The following SPOCK3 variants were observed in gnomAD, a reference collection of about 807,000 sequenced individuals.
SPOCK3 encodes the protein testican-3.
Under a neutral mutation model 56.6 loss-of-function variants are expected in SPOCK3, and 30 were observed. The ratio of observed to expected loss-of-function variants is 0.53; its 90% CI spans 0.40 to 0.72. SPOCK3 has a LOEUF of 0.72. Among genes scored for constraint, SPOCK3 ranks in the 30% least tolerant of loss-of-function variants. SPOCK3 has a pLI of 0.00. For synonymous variants in SPOCK3, 196 were observed against 183.3 expected (o/e 1.07, Z -0.56); for missense variants, 527 against 530.0 (o/e 0.99, Z 0.06).
At chr4:167,087,462 A>T (rs539507508) in intron 2 of SPOCK3, among the ~76,000 whole-genome samples, 1 of 152,294 alleles carries the variant, frequency 6.6e-6, no homozygotes, top group Admixed American at 6.5e-5. Flanking sequence ...CACTGATAGA[A>T]AATTTACTTT....
intron 3 of SPOCK3, among the ~76,000 whole-genome samples, chr4:167,025,209 G>C (rs1002446560): frequency 7.0e-6 from 1 of 143,402 alleles, no homozygotes; most frequent in Non-Finnish European, 1.6e-5. Context: ...ACAATTCTTT[G>C]GCCACTGAAT....
chr4:167,232,220 A>T (rs1176947846), intron 2 of SPOCK3, among the ~76,000 whole-genome samples: 7 of 152,206 alleles, frequency 4.6e-5, no homozygotes. Context: ...TGAATAAAAT[A>T]AGAGAATACT....
chr4:166,846,414 A>G (rs1748070577), intron 6 of SPOCK3, among the ~76,000 whole-genome samples: 1 of 152,140 alleles, frequency 6.6e-6, no homozygotes, highest in South Asian at 2.1e-4. Flanking sequence ...TTAATAGATT[A>G]TCCTTTTTAT....
chr4:166,853,917 G>A (rs1322924888), intron 6 of SPOCK3, among the ~76,000 whole-genome samples: 1 of 151,328 alleles, frequency 6.6e-6, no homozygotes, highest in South Asian at 2.1e-4. Flanking sequence ...CTCCAAAGTC[G>A]GCCATAGACA....
chr4:166,869,921 GA>G (rs1413121109), intron 6 of SPOCK3, among the ~76,000 whole-genome samples: 9 of 152,174 alleles, frequency 5.9e-5, no homozygotes, highest in Admixed American at 2.6e-4. Flanking sequence ...GCTGGAGGCT[GA>G]GTGTGATCCA....
chr4:166,820,746 C>A (rs1314069101), intron 6 of SPOCK3, among the ~76,000 whole-genome samples: 1 of 151,882 alleles, frequency 6.6e-6, no homozygotes, highest in South Asian at 2.1e-4. Flanking sequence ...ATCGCTGGAG[C>A]CTGTGAGGTG....
intron 2 of SPOCK3, among the ~76,000 whole-genome samples, chr4:167,158,601 T>A (rs1489904729): frequency 6.6e-6 from 1 of 151,976 alleles, no homozygotes; most frequent in Non-Finnish European, 1.5e-5. Context: ...AACTAGCCCT[T>A]AAGTGGTTTT....
chr4:167,116,413 GTA>G (rs201984574), intron 2 of SPOCK3, among the ~76,000 whole-genome samples: 2 of 140,640 alleles, frequency 1.4e-5, no homozygotes, highest in Admixed American at 7.2e-5. Flanking sequence ...ATACACAAAA[GTA>G]TATATATATA....
intron 3 of SPOCK3, among the ~76,000 whole-genome samples, chr4:167,037,547 T>C (rs11132846): frequency 0.57 from 86,401 of 151,244 alleles, 25,929 homozygotes; most frequent in East Asian, 0.84. Flanking sequence ...ACTAAGGATT[T>C]TTTGAAATAT....
At chr4:167,097,484 C>A (rs953125053) in intron 2 of SPOCK3, among the ~76,000 whole-genome samples, 2 of 151,756 alleles carry the variant, frequency 1.3e-5, no homozygotes, top group Non-Finnish European at 2.9e-5. Flanking sequence ...CTACTGGAGT[C>A]TTATGGGTGT....
intron 6 of SPOCK3, among the ~76,000 whole-genome samples, chr4:166,833,098 C>T (rs769070356): frequency 1.3e-5 from 2 of 152,026 alleles, no homozygotes; most frequent in African/African-American, 2.4e-5. Flanking sequence ...ATATTATATA[C>T]GTGTGTGTGT....
chr4:166,908,753 T>C (rs1736907925), intron 5 of SPOCK3, among the ~76,000 whole-genome samples: 1 of 152,030 alleles, frequency 6.6e-6, no homozygotes, highest in Non-Finnish European at 1.5e-5. Context: ...ACGGCAAATG[T>C]AACGTACACT....
At chr4:166,847,868 T>A (rs1315761911) in intron 6 of SPOCK3, among the ~76,000 whole-genome samples, 2 of 151,734 alleles carry the variant, frequency 1.3e-5, no homozygotes, top group African/African-American at 4.8e-5. Flanking sequence ...AATTCAGATG[T>A]CAAGCACGTA....
At chr4:167,156,186 T>A (rs779178509) in intron 2 of SPOCK3, among the ~76,000 whole-genome samples, 5 of 152,158 alleles carry the variant, frequency 3.3e-5, no homozygotes, top group Non-Finnish European at 7.4e-5. Context: ...CTGTTTTACA[T>A]ATACAGCAAA....
At chr4:166,916,599 T>C (rs1381447205) in intron 4 of SPOCK3, among the ~76,000 whole-genome samples, 1 of 152,198 alleles carries the variant, frequency 6.6e-6, no homozygotes, top group Admixed American at 6.5e-5. Context: ...TTTCAGGATT[T>C]ACACTGATTT....
chr4:166,766,441 A>G (rs547276316), intron 7 of SPOCK3, among the ~76,000 whole-genome samples: 1 of 152,278 alleles, frequency 6.6e-6, no homozygotes, highest in East Asian at 1.9e-4. Context: ...CTCTATTGAG[A>G]TAATCATGTG....
intron 2 of SPOCK3, among the ~76,000 whole-genome samples, chr4:167,169,549 G>A (rs373827361): frequency 4.6e-5 from 7 of 152,282 alleles, no homozygotes; most frequent in African/African-American, 1.2e-4. Context: ...TTGTATCTGG[G>A]AAGTAACTAA....
At chr4:166,965,466 T>C (rs1218327395) in intron 4 of SPOCK3, among the ~76,000 whole-genome samples, 3 of 151,836 alleles carry the variant, frequency 2.0e-5, no homozygotes, top group African/African-American at 7.2e-5. Flanking sequence ...AGACTCTGGT[T>C]TGGTATTTTT....
intron 8 of SPOCK3, among the ~76,000 whole-genome samples, chr4:166,750,970 A>C (rs1055160545): frequency 7.9e-5 from 12 of 152,154 alleles, no homozygotes; most frequent in Non-Finnish European, 1.3e-4. Context: ...TGTGTACTGC[A>C]CAACTCCAAC....
Sources: gnomAD v4.1 joint callset for allele counts (sites outside exome capture counted in the v4.1 genomes callset) on GRCh38, gnomAD v4.1.1 for gene constraint, MANE v1.5 for transcripts, NCBI Gene and HGNC (gene_info 2026-07-23, HGNC 2026-07-21) for gene names.